Variants in SMYD3 observed in about 807,000 individuals in gnomAD.
SMYD3 encodes histone-lysine N-methyltransferase SMYD3.
A neutral mutation model predicts 57.7 loss-of-function variants in SMYD3; 36 were observed. That is an observed-to-expected ratio of 0.62 (90% CI 0.48 to 0.82). SMYD3 has a LOEUF of 0.82. Among genes scored for constraint, SMYD3 ranks in the 40% least tolerant of loss-of-function variants. The pLI is 0.00. For synonymous variants in SMYD3, 211 were observed against 195.0 expected (o/e 1.08, Z -0.68); for missense variants, 515 against 538.8 (o/e 0.96, Z 0.44).
At chr1:246,395,268 C>T (rs1054341414) in intron 1 of SMYD3, among the ~76,000 whole-genome samples, 1 of 152,242 alleles carries the variant, frequency 6.6e-6, no homozygotes, top group African/African-American at 2.4e-5. Context: ...GAGGAAAGCT[C>T]TAAATGCCAA....
chr1:246,320,479 C>A (rs2065227990), intron 5 of SMYD3, among the ~76,000 whole-genome samples: 1 of 152,108 alleles, frequency 6.6e-6, no homozygotes, highest in Admixed American at 6.6e-5. Flanking sequence ...TTATAAAGTT[C>A]AGCAGTACTT....
intron 5 of SMYD3, among the ~76,000 whole-genome samples, chr1:246,313,158 G>A (rs1216522462): frequency 3.9e-5 from 6 of 151,974 alleles, no homozygotes; most frequent in Non-Finnish European, 7.4e-5. Flanking sequence ...TGCCCACCTC[G>A]GCCTCCCAAA....
chr1:246,125,887 C>T (rs188506867), intron 5 of SMYD3, among the ~76,000 whole-genome samples: 2 of 152,068 alleles, frequency 1.3e-5, no homozygotes, highest in African/African-American at 4.8e-5. Context: ...ATTTGTAATT[C>T]GAGTAGTAGT....
In SMYD3 at chr1:246,428,723, T is replaced by C. The variant is rs534245023; in HGVS notation, c.165-73629A>G. On this transcript the variant is annotated intron_variant, in intron 1 of 11. Coordinates refer to ENST00000490107, the MANE Select transcript of SMYD3 (RefSeq NM_001167740.2). Reference sequence around the variant, plus strand: ...CAATCTAGACCACAGCCCATGCTCTTAACTGCTGATTCAAACCCGCGCAAT... The same window carrying C: ...CAATCTAGACCACAGCCCATGCTCTCAACTGCTGATTCAAACCCGCGCAAT... Among the ~76,000 whole-genome samples, 4 of 152,308 alleles carry C rather than the reference T, an allele frequency of 2.6e-5. No individual in the cohort carries two copies. In the East Asian group the frequency reaches 7.7e-4, roughly 29 times the overall value.
chr1:246,285,546 A>C (rs1453462333), intron 5 of SMYD3, among the ~76,000 whole-genome samples: 2 of 152,216 alleles, frequency 1.3e-5, no homozygotes, highest in Non-Finnish European at 2.9e-5. Context: ...TGCTACAAAA[A>C]AAAAAATTGG....
intron 1 of SMYD3, among the ~76,000 whole-genome samples, chr1:246,364,474 A>G (rs1318183024): frequency 6.6e-6 from 1 of 152,200 alleles, no homozygotes; most frequent in Non-Finnish European, 1.5e-5. Flanking sequence ...TGTATAAGGT[A>G]AGCAGTCTTA....
At chr1:245,998,666 C>T (rs561209151) in intron 5 of SMYD3, among the ~76,000 whole-genome samples, 1 of 152,046 alleles carries the variant, frequency 6.6e-6, no homozygotes. Flanking sequence ...CGGTATATGC[C>T]CAAAGCAAAC....
intron 8 of SMYD3, among the ~76,000 whole-genome samples, chr1:245,880,000 G>C (rs1336538048): frequency 6.6e-6 from 1 of 151,206 alleles, no homozygotes; most frequent in East Asian, 1.9e-4. Flanking sequence ...ACCAGAGATA[G>C]CACAGGTGCG....
At chr1:245,836,041 C>G (rs12562152) in intron 10 of SMYD3, among the ~76,000 whole-genome samples, 14,338 of 152,208 alleles carry the variant, frequency 0.094, 1,191 homozygotes, top group East Asian at 0.44. Context: ...ACCTCAACTC[C>G]CAACTCCTAC....
chr1:245,881,226 C>G (rs2052761971), intron 8 of SMYD3, among the ~76,000 whole-genome samples: 1 of 152,114 alleles, frequency 6.6e-6, no homozygotes, highest in African/African-American at 2.4e-5. Context: ...TGTGTGCATT[C>G]TTGGAGGAGG....
intron 5 of SMYD3, among the ~76,000 whole-genome samples, chr1:246,015,215 G>T (rs1032806048): frequency 6.6e-6 from 1 of 152,120 alleles, no homozygotes; most frequent in East Asian, 1.9e-4. Context: ...ATTAACAAAC[G>T]TGTATGCTTT....
intron 5 of SMYD3, among the ~76,000 whole-genome samples, chr1:246,251,416 C>CGG (rs1218041010): frequency 4.0e-5 from 6 of 151,674 alleles, no homozygotes; most frequent in South Asian, 2.1e-4. Flanking sequence ...GTAGGTGCCT[C>CGG]AGACACTGTG....
chr1:246,274,767 T>C (rs181564014), intron 5 of SMYD3, among the ~76,000 whole-genome samples: 1 of 152,188 alleles, frequency 6.6e-6, no homozygotes, highest in East Asian at 1.9e-4. Context: ...AGCCAGTAAT[T>C]AAGGTCTCAG....
intron 5 of SMYD3, among the ~76,000 whole-genome samples, chr1:246,287,123 C>T (rs532199126): frequency 6.6e-6 from 1 of 152,148 alleles, no homozygotes; most frequent in South Asian, 2.1e-4. Flanking sequence ...CCACTTGCCT[C>T]GGCCTCCCAA....
chr1:246,079,725 A>G (rs1042054669), intron 5 of SMYD3, among the ~76,000 whole-genome samples: 1 of 152,218 alleles, frequency 6.6e-6, no homozygotes, highest in South Asian at 2.1e-4. Context: ...CTCCAATGCA[A>G]AAACAAAATA....
intron 1 of SMYD3, among the ~76,000 whole-genome samples, chr1:246,470,419 G>T (rs570134333): frequency 6.6e-6 from 1 of 151,486 alleles, no homozygotes; most frequent in African/African-American, 2.4e-5. Context: ...TCGCTTGAAC[G>T]TGGAAGGCGG....
Position 246,161,603 on chromosome 1 carries a change from C to T in SMYD3, c.531+165598G>A, listed in dbSNP as rs184697307. Among the ~76,000 whole-genome samples, 361 of 152,210 alleles carry T rather than the reference C, an allele frequency of 2.4e-3. 2 individuals carry two copies. Among genetic ancestry groups the T allele is most frequent in the Admixed American group, 6.4e-3 (98 of 15,270 alleles). ...TTATTAATTTACTTTTCTTTCTCCG[C>T]GAATAGATGTACCCACAGAGCCTAG... On this transcript the variant is annotated intron_variant, in intron 5 of 11. Transcript: ENST00000490107.
At chr1:245,945,511 T>C (rs960262450) in intron 5 of SMYD3, among the ~76,000 whole-genome samples, 65 of 152,284 alleles carry the variant, frequency 4.3e-4, no homozygotes, top group African/African-American at 1.5e-3. Context: ...TGCTTTTACA[T>C]GGTTGATGAG....
intron 8 of SMYD3, among the ~76,000 whole-genome samples, chr1:245,888,368 T>A (rs1354607108): frequency 6.6e-6 from 1 of 152,174 alleles, no homozygotes; most frequent in Non-Finnish European, 1.5e-5. Flanking sequence ...ATGGAAGTGA[T>A]CTCTCAAGAA....
Sources: allele counts gnomAD v4.1 joint callset (sites outside exome capture counted in the v4.1 genomes callset), GRCh38; gene constraint gnomAD v4.1.1; transcripts MANE v1.5; gene names NCBI Gene and HGNC (gene_info 2026-07-23, HGNC 2026-07-21).